Variants in STARD8 observed in about 807,000 individuals in gnomAD.
STARD8 encodes stAR-related lipid transfer protein 8.
STARD8 carries 25 observed loss-of-function variants against 69.4 expected under a neutral mutation model. The observed-to-expected ratio is 0.36, with a 90% CI of 0.26 to 0.50. The LOEUF is 0.50. STARD8 is among the 20% of genes least tolerant of loss of function. STARD8 has a pLI of 0.96. For missense variants in STARD8, 921 were observed against 932.5 expected (o/e 0.99, Z 0.16); for synonymous variants, 389 against 374.6 (o/e 1.04, Z -0.45).
chrX:68,700,486 G>A (rs935538043), intron 2 of STARD8, among the ~76,000 whole-genome samples: 2 of 112,506 alleles, frequency 1.8e-5, no homozygotes, highest in Non-Finnish European at 3.8e-5. Flanking sequence ...AGGAACCCCT[G>A]CCCTGGCTGC....
rs1296687517 is a variant in STARD8, at chrX:68,718,114, A to C, written c.1200A>C (p.Gln400His). ...TCCAGCACGTGTGGGGGCTACAGCA[A>C]CGAGTAGAGCTGTGGTCTCGGGCCA... ...DILQHVWGLQ[Q>H]RVELWSRAMY... is the part of the protein sequence containing the mutation. The change falls in exon 6 of 15, where the codon CAA (glutamine) becomes CAC (histidine). Residue 400 changes from glutamine (Q) to histidine (H), a missense_variant. Physicochemically the swap from Gln to His is conservative, Grantham distance 24. Transcript: ENST00000374599. 1 of 1,211,851 alleles carries C rather than the reference A, an allele frequency of 8.3e-7. No homozygotes were observed. The highest frequency in any genetic ancestry group is 2.2e-5 in the Admixed American group (1 of 46,084).
intron 2 of STARD8, 66 bp downstream of exon 2, chrX:68,665,598 G>T (rs1341954791): frequency 2.7e-6 from 3 of 1,111,708 alleles, no homozygotes; most frequent in Non-Finnish European, 3.7e-6. Context: ...TAGTCCTCAT[G>T]GGGCAACCGA....
intron 1 of STARD8, among the ~76,000 whole-genome samples, chrX:68,652,517 T>A (rs1048734197): frequency 1.8e-5 from 2 of 111,139 alleles, no homozygotes; most frequent in Non-Finnish European, 3.8e-5. Flanking sequence ...AAGTGTGAGA[T>A]GAACCCAGTA....
chrX:68,656,837 A>G (rs1431986603), intron 1 of STARD8, among the ~76,000 whole-genome samples: 1 of 110,526 alleles, frequency 9.0e-6, no homozygotes, highest in Non-Finnish European at 1.9e-5. Context: ...GAAGGGGAAC[A>G]TCACAGACCG....
At chrX:68,705,518 C>T (rs1203158669) in intron 2 of STARD8, among the ~76,000 whole-genome samples, 2 of 112,794 alleles carry the variant, frequency 1.8e-5, no homozygotes, top group African/African-American at 3.2e-5. Context: ...TCTTCCTGGC[C>T]GATCCTGCAA....
At chrX:68,654,595 T>A (rs2079600170) in intron 1 of STARD8, among the ~76,000 whole-genome samples, 1 of 111,719 alleles carries the variant, frequency 9.0e-6, no homozygotes, top group South Asian at 3.7e-4. Context: ...AGGCACACAT[T>A]CTCAAGCACC....
rs200513269 is a variant in STARD8 at position 68,718,501 on chromosome X, C to T, written c.1587C>T (p.Ser529=). ...HSISDTVASS[S]ELDSSGNSMN... The stretch of plus-strand genomic sequence containing the variant: ...TTTCTGACACTGTGGCCTCCTCCAG[C>T]GAACTTGACAGTAGTGGGAACTCCA... Residue 529 remains serine (S), a synonymous_variant, in exon 6 of 15, where the codon AGC becomes AGT. Coordinates refer to ENST00000374599, the MANE Select transcript of STARD8 (RefSeq NM_001142503.3). 2.5e-5 allele frequency: 30 copies of T among 1,210,911 alleles called. No individual in the cohort carries two copies. Among genetic ancestry groups the T allele is most frequent in the African/African-American group, 6.9e-5 (4 of 57,562 alleles).
chrX:68,686,199 T>A (rs1319611643), intron 2 of STARD8, among the ~76,000 whole-genome samples: 1 of 108,917 alleles, frequency 9.2e-6, no homozygotes, highest in Non-Finnish European at 1.9e-5. Flanking sequence ...GGCGGAATAG[T>A]TGAGTAGATG....
At chrX:68,689,647 A>G (rs948471096) in intron 2 of STARD8, among the ~76,000 whole-genome samples, 10 of 111,838 alleles carry the variant, frequency 8.9e-5, no homozygotes, top group African/African-American at 3.3e-4. Flanking sequence ...TGACCCCTGA[A>G]TCTCCCCTGG....
chrX:68,719,392 G>A lies in STARD8; in HGVS notation c.1883G>A (p.Trp628Ter). The change falls in exon 7 of 15, where the codon TGG becomes TAG. Residue 628 changes from tryptophan to a stop codon, truncating the protein, a stop_gained. Transcript: ENST00000374599. LOFTEE classifies it high-confidence loss of function. The stretch of plus-strand genomic sequence containing the variant: ...TACACTGTGCCCCACAAGCAGGGCT[G>A]GGTCTGGTGAGTGGCTCCTGGGCCA... Reference protein sequence around the residue: ...EKYTVPHKQGWVWSMPKFMRR... With the variant: ...EKYTVPHKQG The A allele has an allele frequency of 8.5e-7, 1 of 1,171,433 alleles. No individual in the cohort carries two copies. The highest frequency in any genetic ancestry group is 2.4e-5 in the Admixed American group (1 of 41,403).
At chrX:68,693,904 C>A in intron 2 of STARD8, 1 of 679,401 alleles carries the variant, frequency 1.5e-6, no homozygotes, top group Non-Finnish European at 1.8e-6. Context: ...CTTTGCCTCT[C>A]TGGCGCGCTC....
At position 68,647,717 on chromosome X, in the gene STARD8, G is replaced by T; in HGVS notation, c.-166G>T. The stretch of plus-strand genomic sequence containing the variant: ...CCCGCTGTCGAGGCAGCTGAGCCCC[G>T]GCAACCGCTGCTCTCCGCCTCTCCC... On this transcript the variant is annotated 5_prime_UTR_variant, in exon 1 of 15. Transcript: ENST00000374599. 2 of 620,721 alleles carry T rather than the reference G, an allele frequency of 3.2e-6. No individual in the cohort carries two copies. The highest frequency in any genetic ancestry group is 2.4e-6 in the Non-Finnish European group (1 of 424,102). 51.2% of individuals were successfully genotyped at this position (620,721 alleles called of 1,213,427 possible). A position where few individuals can be genotyped will look rare whatever the true frequency, so the allele number is the denominator to read the frequency against.
At chrX:68,648,910 A>G (rs2079531107) in intron 1 of STARD8, among the ~76,000 whole-genome samples, 1 of 112,228 alleles carries the variant, frequency 8.9e-6, no homozygotes, top group Non-Finnish European at 1.9e-5. Flanking sequence ...AGCACAACCC[A>G]TTGTTTTCCT....
rs939357924 is a variant in STARD8, at chrX:68,722,128, G to C, written c.2541G>C (p.Ser847=). Residue 847 remains serine, a synonymous_variant, in exon 11 of 15, where the codon TCG becomes TCC. Coordinates refer to ENST00000374599, the MANE Select transcript of STARD8 (RefSeq NM_001142503.3). ...SDNMAATQGL[S]HMISDCKKLF... ...ACATGGCAGCCACCCAGGGCCTGTCGCACATGATCAGTGACTGCAAGAAAC... is the reference window on the plus strand; with the variant it reads ...ACATGGCAGCCACCCAGGGCCTGTCCCACATGATCAGTGACTGCAAGAAAC... The C allele has an allele frequency of 1.7e-6, 2 of 1,204,674 alleles. No homozygotes were observed. Among genetic ancestry groups the C allele is most frequent in the Non-Finnish European group, 2.2e-6 (2 of 891,422 alleles).
chrX:68,662,681 C>T (rs1259367046), intron 1 of STARD8, among the ~76,000 whole-genome samples: 1 of 111,851 alleles, frequency 8.9e-6, no homozygotes, highest in African/African-American at 3.3e-5. Context: ...TCTTTGCCCC[C>T]TTGTCTTCTT....
intron 12 of STARD8, among the ~76,000 whole-genome samples, chrX:68,723,274 G>T (rs2080167479): frequency 1.8e-5 from 2 of 112,738 alleles, no homozygotes; most frequent in Non-Finnish European, 3.7e-5. Flanking sequence ...GGCAGCTTTT[G>T]TTGTGCATGT....
intron 2 of STARD8, among the ~76,000 whole-genome samples, chrX:68,710,500 C>T (rs144765098): frequency 2.7e-4 from 30 of 112,193 alleles, no homozygotes; most frequent in Non-Finnish European, 5.1e-4. Flanking sequence ...TGCTGCTAGT[C>T]TGGGACTACA....
chrX:68,649,121 C>T (rs1367405129), intron 1 of STARD8, among the ~76,000 whole-genome samples: 1 of 111,894 alleles, frequency 8.9e-6, no homozygotes, highest in African/African-American at 3.3e-5. Flanking sequence ...ATGCTGGGAC[C>T]TTTGGGAAGG....
intron 2 of STARD8, among the ~76,000 whole-genome samples, chrX:68,701,761 A>G (rs993685041): frequency 1.8e-5 from 2 of 111,887 alleles, no homozygotes; most frequent in Admixed American, 1.9e-4. Context: ...CTGGGGGTGG[A>G]GAACAGGGTG....
Sources: gnomAD v4.1 joint callset for allele counts (sites outside exome capture counted in the v4.1 genomes callset) on GRCh38, gnomAD v4.1.1 for gene constraint, MANE v1.5 for transcripts, NCBI Gene and HGNC (gene_info 2026-07-23, HGNC 2026-07-21) for gene names.